RSRC1: variants seen among roughly 807,000 people sequenced by gnomAD.
RSRC1 encodes arginine and serine rich coiled-coil 1.
RSRC1 carries 39 observed loss-of-function variants against 49.1 expected under a neutral mutation model. That is an observed-to-expected ratio of 0.79 (90% CI 0.61 to 1.04). The LOEUF is 1.04. RSRC1 is among the 50% of genes least tolerant of loss of function. The pLI, the probability that RSRC1 is intolerant of heterozygous loss-of-function variation, is 0.00. For missense variants in RSRC1, 388 were observed against 402.4 expected, an observed-to-expected ratio of 0.96 and a Z score of 0.31; for synonymous variants, 143 against 130.8, an observed-to-expected ratio of 1.09 and a Z score of -0.63.
intron 6 of RSRC1, among the ~76,000 whole-genome samples, chr3:158,365,665 T>C (rs1269309615): frequency 6.6e-6 from 1 of 152,174 alleles, no homozygotes; most frequent in African/African-American, 2.4e-5. Flanking sequence ...ATATACCCAG[T>C]AATGGGATTG....
intron 6 of RSRC1, among the ~76,000 whole-genome samples, chr3:158,406,433 G>A (rs1416007013): frequency 1.3e-5 from 2 of 151,978 alleles, no homozygotes; most frequent in East Asian, 3.9e-4. Context: ...TGTTCATTTT[G>A]CATGTTATTT....
intron 7 of RSRC1, among the ~76,000 whole-genome samples, chr3:158,529,932 G>C (rs1712282971): frequency 6.6e-6 from 1 of 151,824 alleles, no homozygotes; most frequent in African/African-American, 2.4e-5. Flanking sequence ...GTGAATCATG[G>C]TAGACTCCAG....
chr3:158,311,024 T>C (rs1003571759), intron 5 of RSRC1, among the ~76,000 whole-genome samples: 1 of 151,908 alleles, frequency 6.6e-6, no homozygotes, highest in Non-Finnish European at 1.5e-5. Context: ...AATTTTACAG[T>C]GACAAAAGTG....
intron 3 of RSRC1, among the ~76,000 whole-genome samples, chr3:158,181,492 A>C (rs1414499408): frequency 6.6e-6 from 1 of 152,226 alleles, no homozygotes; most frequent in Non-Finnish European, 1.5e-5. Flanking sequence ...CCTTTGCATA[A>C]AATTCAGAAT....
intron 6 of RSRC1, among the ~76,000 whole-genome samples, chr3:158,373,396 G>A (rs76386651): frequency 0.019 from 2,915 of 151,762 alleles, 75 homozygotes; most frequent in African/African-American, 0.067. Context: ...CGTTGAGGAC[G>A]TTTTCTTCTA....
chr3:158,485,528 T>A (rs973858853), intron 7 of RSRC1, among the ~76,000 whole-genome samples: 1 of 152,142 alleles, frequency 6.6e-6, no homozygotes, highest in African/African-American at 2.4e-5. Context: ...TTCCTGTGAA[T>A]TAAAACCCAT....
At chr3:158,279,874 A>G (rs1300423300) in intron 4 of RSRC1, among the ~76,000 whole-genome samples, 1 of 152,184 alleles carries the variant, frequency 6.6e-6, no homozygotes, top group African/African-American at 2.4e-5. Context: ...ATGTGGAACT[A>G]TTGGGTAGCT....
chr3:158,291,386 C>G (rs1001300823), intron 4 of RSRC1, among the ~76,000 whole-genome samples: 1 of 152,066 alleles, frequency 6.6e-6, no homozygotes, highest in African/African-American at 2.4e-5. Flanking sequence ...TAATTAAACC[C>G]TCACTGGAAT....
chr3:158,298,373 G>A (rs1039927562), intron 5 of RSRC1, among the ~76,000 whole-genome samples: 1 of 151,816 alleles, frequency 6.6e-6, no homozygotes, highest in Admixed American at 6.6e-5. Flanking sequence ...AGAATTTTTG[G>A]CATATCTTGA....
intron 7 of RSRC1, among the ~76,000 whole-genome samples, chr3:158,516,867 C>T (rs1026848986): frequency 2.6e-5 from 4 of 152,196 alleles, no homozygotes; most frequent in Admixed American, 6.5e-5. Context: ...TTCCAGGTGC[C>T]GTCTGTCACC....
intron 4 of RSRC1, among the ~76,000 whole-genome samples, chr3:158,290,115 G>A (rs1242833804): frequency 6.6e-6 from 1 of 151,980 alleles, no homozygotes; most frequent in East Asian, 1.9e-4. Flanking sequence ...TTAGGCTGTT[G>A]TATTGAACCA....
At chr3:158,140,271 G>A (rs1018167680) in intron 3 of RSRC1, among the ~76,000 whole-genome samples, 1 of 152,152 alleles carries the variant, frequency 6.6e-6, no homozygotes, top group African/African-American at 2.4e-5. Context: ...AAGTTTTATA[G>A]TTCACTTTCA....
At chr3:158,222,485 CACA>C (rs796267453) in intron 4 of RSRC1, among the ~76,000 whole-genome samples, 23 of 151,554 alleles carry the variant, frequency 1.5e-4, no homozygotes, top group African/African-American at 5.3e-4. Context: ...TTACATATTT[CACA>C]ACATCTTGTT....
intron 3 of RSRC1, among the ~76,000 whole-genome samples, chr3:158,160,779 G>T (rs1419460937): frequency 6.6e-6 from 1 of 151,904 alleles, no homozygotes; most frequent in Admixed American, 6.6e-5. Context: ...TGAAGTTAAA[G>T]TTTTTTTTAG....
chr3:158,413,161 G>A (rs1024958185), intron 6 of RSRC1, among the ~76,000 whole-genome samples: 5 of 152,050 alleles, frequency 3.3e-5, no homozygotes, highest in African/African-American at 1.2e-4. Flanking sequence ...CAATGGAACA[G>A]AATAGAGATC....
intron 5 of RSRC1, among the ~76,000 whole-genome samples, chr3:158,322,099 G>A (rs1728796156): frequency 6.6e-6 from 1 of 151,842 alleles, no homozygotes; most frequent in African/African-American, 2.4e-5. Flanking sequence ...TTTCCTTTTG[G>A]CCTGAAGTAC....
intron 7 of RSRC1, among the ~76,000 whole-genome samples, chr3:158,484,254 A>G (rs1194859051): frequency 6.6e-6 from 1 of 152,074 alleles, no homozygotes. Flanking sequence ...GTGATAGGAT[A>G]TATGTGGAGA....
intron 5 of RSRC1, among the ~76,000 whole-genome samples, chr3:158,327,544 G>C (rs968432074): frequency 3.3e-5 from 5 of 152,164 alleles, no homozygotes; most frequent in African/African-American, 1.2e-4. Context: ...GAGCAGTTTT[G>C]AGTGAGTTTC....
chr3:158,139,299 G>T (rs1310333039), intron 3 of RSRC1, among the ~76,000 whole-genome samples: 1 of 152,078 alleles, frequency 6.6e-6, no homozygotes. Context: ...TACTCAGGAG[G>T]CTAAGGCAGG....
Sources: gnomAD v4.1 joint callset for allele counts (sites outside exome capture counted in the v4.1 genomes callset) on GRCh38, gnomAD v4.1.1 for gene constraint, MANE v1.5 for transcripts, NCBI Gene and HGNC (gene_info 2026-07-23, HGNC 2026-07-21) for gene names.